Variants in NKIRAS2 observed in about 807,000 individuals in gnomAD.
NKIRAS2 encodes NFKB inhibitor interacting Ras like 2, also known as NF-kappa-B inhibitor-interacting Ras-like protein 2.
NKIRAS2 carries 15 observed loss-of-function variants against 20.7 expected under a neutral mutation model. That is an observed-to-expected ratio of 0.73 (90% CI 0.49 to 1.12). The LOEUF (loss-of-function observed/expected upper bound fraction) is 1.12. NKIRAS2 is among the 50% of genes most tolerant of loss of function. NKIRAS2 has a pLI of 0.00. For missense variants in NKIRAS2, 196 were observed against 249.6 expected, an observed-to-expected ratio of 0.79 and a Z score of 1.45; for synonymous variants, 116 against 101.4, an observed-to-expected ratio of 1.14 and a Z score of -0.87.
At position 42,024,095 on chromosome 17, in the gene NKIRAS2, T is replaced by C. The variant is rs1268692634; in HGVS notation, c.*202T>C. 6 of 729,768 alleles carry C rather than the reference T, an allele frequency of 8.2e-6. No individual in the cohort carries two copies. The highest frequency in any genetic ancestry group is 3.1e-5 in the Admixed American group (1 of 32,522). 45.2% of individuals were successfully genotyped at this position (729,768 alleles called of 1,614,324 possible). A position where few individuals can be genotyped will look rare whatever the true frequency, so the allele number is the denominator to read the frequency against. ...TGGTTGACATCCCCTTCCTCAGCCC[T>C]CCCAGCCTACTCCCCATCCCAGCTT... On this transcript the variant is annotated 3_prime_UTR_variant, in exon 4 of 4. Coordinates refer to ENST00000393885, the MANE Select transcript of NKIRAS2 (RefSeq NM_017595.6).
rs2052551059 is a variant in NKIRAS2 at position 42,025,309 on chromosome 17, G to A, written c.*1416G>A. The A allele has an allele frequency of 6.6e-6, 1 of 152,658 alleles. No individual in the cohort carries two copies. The highest frequency in any genetic ancestry group is 1.5e-5 in the Non-Finnish European group (1 of 68,084). The allele number at this position is 152,658 out of a possible 1,614,324, so 9.5% of individuals were successfully genotyped here. ...CTGGCCCCTCCTTCTTACCTCAGATGCCTGAACAGAACAAGGCAAACCCGT... is the reference window on the plus strand; with the variant it reads ...CTGGCCCCTCCTTCTTACCTCAGATACCTGAACAGAACAAGGCAAACCCGT... On this transcript the variant is annotated 3_prime_UTR_variant, in exon 4 of 4. Transcript: ENST00000393885.
chr17:42,021,385 C>A, intron 1 of NKIRAS2, 179 bp from the exon 2 acceptor site: 1 of 574,800 alleles, frequency 1.7e-6, no homozygotes, highest in South Asian at 2.0e-5. Flanking sequence ...GTGCTGAAAC[C>A]CTGGAACTAT....
At chr17:42,023,434 C>G (rs1222228101) in intron 3 of NKIRAS2, among the ~76,000 whole-genome samples, 4 of 152,026 alleles carry the variant, frequency 2.6e-5, no homozygotes, top group Non-Finnish European at 2.9e-5. Flanking sequence ...TGATAGAACT[C>G]CTAAAAGGAG....
At chr17:42,021,922 T>A (rs2052461160) in intron 2 of NKIRAS2, 1 of 673,770 alleles carries the variant, frequency 1.5e-6, no homozygotes, top group Admixed American at 1.8e-5. Flanking sequence ...AAAATTAATG[T>A]CCATTGGCCG....
chr17:42,019,746 A>G (rs1457313918), upstream of NKIRAS2, among the ~76,000 whole-genome samples: 4 of 152,232 alleles, frequency 2.6e-5, no homozygotes, highest in Non-Finnish European at 5.9e-5. Flanking sequence ...GGCAGCCACC[A>G]TGTCTAACTC....
chr17:42,017,633 A>G (rs1309498550), upstream of NKIRAS2: 4 of 590,964 alleles, frequency 6.8e-6, no homozygotes, highest in African/African-American at 5.8e-5. Flanking sequence ...GCCGGTGCGT[A>G]GGCGGCGCCA....
chr17:42,021,746 C>T (rs987300656), intron 2 of NKIRAS2, 75 bp downstream of exon 2: 1 of 1,365,426 alleles, frequency 7.3e-7, no homozygotes, highest in African/African-American at 1.4e-5. Context: ...ACAACACACA[C>T]AGGCTAAAAG....
At chr17:42,018,632 A>G (rs1180137319), upstream of NKIRAS2, 2 of 152,218 alleles carry the variant, frequency 1.3e-5, no homozygotes, top group African/African-American at 2.4e-5. Flanking sequence ...TTGTGAGGGC[A>G]CAAGACTTAC....
rs1270662627 is a variant in NKIRAS2 at position 42,022,424 on chromosome 17, G to A, written c.120G>A (p.Glu40=). ...GTTCGGAGATGATCGAGACGCAGGA[G>A]GACATCTACGTGGGCTCCATTGAGA... is the stretch of plus-strand genomic sequence containing the variant. ...VVGSEMIETQ[E]DIYVGSIETD... The change falls in exon 3 of 4, where the codon GAG becomes GAA. Residue 40 remains glutamate (E), a synonymous_variant. Coordinates refer to ENST00000393885, the MANE Select transcript of NKIRAS2 (RefSeq NM_017595.6). 2.5e-6 allele frequency: 4 copies of A among 1,593,798 alleles called. No individual in the cohort carries two copies. The highest frequency in any genetic ancestry group is 1.7e-5 in the Admixed American group (1 of 58,402).
chr17:42,021,297 CAA>C (rs1240722402), intron 1 of NKIRAS2: 34 of 380,754 alleles, frequency 8.9e-5, no homozygotes, highest in South Asian at 4.5e-4. Context: ...CTGGGGATAA[CAA>C]AGACGAATAA....
chr17:42,019,815 A>C (rs145981711), upstream of NKIRAS2, among the ~76,000 whole-genome samples: 4 of 152,366 alleles, frequency 2.6e-5, no homozygotes, highest in African/African-American at 9.6e-5. Context: ...TGCTCAGAAA[A>C]CATTTGACGA....
chr17:42,019,358 T>C (rs1263902616), upstream of NKIRAS2, among the ~76,000 whole-genome samples: 1 of 152,192 alleles, frequency 6.6e-6, no homozygotes, highest in African/African-American at 2.4e-5. Flanking sequence ...TCTAATTTCA[T>C]CTCTGTTCAG....
intron 3 of NKIRAS2, 127 bp from the exon 4 acceptor site, chr17:42,023,527 T>C: frequency 1.2e-6 from 1 of 826,394 alleles, no homozygotes. Context: ...GTATGGAATC[T>C]AGAAAGAGAT....
chr17:42,017,579 T>A (rs1371894648), upstream of NKIRAS2: 5 of 874,212 alleles, frequency 5.7e-6, no homozygotes, highest in East Asian at 1.1e-4. Context: ...CGCCCCCGGA[T>A]GTCCACGGTG....
intron 1 of NKIRAS2, chr17:42,021,228 C>T (rs2143434698): frequency 4.0e-6 from 1 of 249,040 alleles, no homozygotes; most frequent in South Asian, 5.0e-5. Flanking sequence ...CAGTGACTCT[C>T]CTCTCCCTTT....
Position 42,022,638 on chromosome 17 carries a change from G to A in NKIRAS2, c.334G>A (p.Glu112Lys). 1.2e-6 allele frequency: 2 copies of A among 1,611,066 alleles called. No individual in the cohort carries two copies. Among genetic ancestry groups the A allele is most frequent in the Non-Finnish European group, 1.7e-6 (2 of 1,177,482 alleles). Residue 112 changes from glutamate to lysine, a missense_variant and splice_region_variant, in exon 3 of 4, where the codon GAG becomes AAG. Transcript: ENST00000393885. The part of the protein sequence containing the change: ...KEIDKSKDKK[E>K]VTIVVLGNKC... ...GATTGACAAATCCAAGGACAAGAAG[G>A]AGGTGTGTGGCATAGGCTTCTGGTG... is the stretch of plus-strand genomic sequence containing the variant.
At position 42,022,445 on chromosome 17, in the gene NKIRAS2, T is replaced by G. The variant is rs1567978758; in HGVS notation, c.141T>G (p.Ile47Met). ...ETQEDIYVGS[I>M]ETDRGVREQV... ...AGGAGGACATCTACGTGGGCTCCAT[T>G]GAGACAGACCGGGGGGTGCGAGAGC... The change falls in exon 3 of 4, where the codon ATT becomes ATG. Residue 47 changes from isoleucine to methionine, a missense_variant. By Grantham distance (10) the Ile-to-Met change is conservative. Coordinates refer to ENST00000393885, the MANE Select transcript of NKIRAS2 (RefSeq NM_017595.6). 1 of 1,607,070 alleles carries G rather than the reference T, an allele frequency of 6.2e-7. No individual in the cohort carries two copies. The highest frequency in any genetic ancestry group is 8.5e-7 in the Non-Finnish European group (1 of 1,174,248).
chr17:42,017,895 T>C (rs1207215084), upstream of NKIRAS2, among the ~76,000 whole-genome samples: 1 of 152,254 alleles, frequency 6.6e-6, no homozygotes, highest in Non-Finnish European at 1.5e-5. Flanking sequence ...AGAGACACTT[T>C]GAGCTCAGTT....
chr17:42,020,629 C>T (rs575879377), intron 1 of NKIRAS2: 49 of 152,188 alleles, frequency 3.2e-4, no homozygotes, highest in African/African-American at 1.2e-3. Context: ...GCCTTTTTTT[C>T]CGTAGGTTTC....
Sources: gnomAD v4.1 joint callset for allele counts (sites outside exome capture counted in the v4.1 genomes callset) on GRCh38, gnomAD v4.1.1 for gene constraint, MANE v1.5 for transcripts, NCBI Gene and HGNC (gene_info 2026-07-23, HGNC 2026-07-21) for gene names.